The following PABPC1 variants were observed in gnomAD, a reference collection of about 807,000 sequenced individuals.
The protein encoded by PABPC1 is poly(A) binding protein cytoplasmic 1, also known as polyadenylate-binding protein 1.
Under a neutral mutation model 74.0 loss-of-function variants are expected in PABPC1, and 4 were observed. The observed-to-expected ratio is 0.05, with a 90% CI of 0.03 to 0.12. The LOEUF (loss-of-function observed/expected upper bound fraction) is 0.12. PABPC1 is among the 10% of genes least tolerant of loss of function. PABPC1 has a pLI of 1.00. For synonymous variants in PABPC1, 227 were observed against 264.1 expected (o/e 0.86, Z 1.36); for missense variants, 271 against 821.1 (o/e 0.33, Z 8.19).
intron 4 of PABPC1, among the ~76,000 whole-genome samples, chr8:100,713,866 G>A (rs1373485595): frequency 6.6e-6 from 1 of 152,156 alleles, no homozygotes; most frequent in Non-Finnish European, 1.5e-5. Flanking sequence ...AGGAGTGGAA[G>A]GAATACATAG....
chr8:100,721,266 G>T lies in PABPC1; in HGVS notation c.193+125C>A. The T allele has an allele frequency of 2.9e-6, 1 of 345,832 alleles. No homozygotes were observed. The highest frequency in any genetic ancestry group is 4.2e-6 in the Non-Finnish European group (1 of 237,236). 21.4% of individuals were successfully genotyped at this position (345,832 alleles called of 1,614,324 possible). ...CAGGGACCCCGGCGCCTTCCCGCCG[G>T]CCGTCGCGGGGTGACATGCCCTCCC... On this transcript the variant is annotated intron_variant, in intron 1 of 14. Coordinates refer to ENST00000318607, the MANE Select transcript of PABPC1 (RefSeq NM_002568.4). This position sits in a 1 kb window ranked among gnomAD's most constrained non-coding sequence, Gnocchi z 7.4.
intron 1 of PABPC1, among the ~76,000 whole-genome samples, chr8:100,720,657 A>C (rs764040833): frequency 2.0e-5 from 3 of 152,220 alleles, no homozygotes; most frequent in Non-Finnish European, 2.9e-5. Context: ...TGGCCTTCAA[A>C]GTGGTCGGCT....
chr8:100,710,236 C>T (rs1024263397), intron 7 of PABPC1, among the ~76,000 whole-genome samples: 2 of 152,084 alleles, frequency 1.3e-5, no homozygotes, highest in Admixed American at 6.6e-5. Context: ...ATAAATATTA[C>T]GGTATAAAGA....
At chr8:100,717,996 A>AG in intron 2 of PABPC1, 91 bp downstream of exon 2, 1 of 1,337,872 alleles carries the variant, frequency 7.5e-7, no homozygotes. Context: ...TGTGAAATAA[A>AG]GATATCCATT....
At position 100,705,027 on chromosome 8, in the gene PABPC1, T is replaced by C. The variant is rs113240435; in HGVS notation, c.1717A>G (p.Met573Val). The C allele has an allele frequency of 2.5e-6, 4 of 1,589,742 alleles. No individual in the cohort carries two copies. Among genetic ancestry groups the C allele is most frequent in the South Asian group, 2.2e-5 (2 of 88,972 alleles). The change falls in exon 13 of 15, where the codon ATG (methionine) becomes GTG (valine). Residue 573 changes from methionine to valine, a missense_variant. Met to Val is a conservative substitution (Grantham distance 21). Transcript: ENST00000318607. ...ATTTTACCAGCAAGAGTAGGGTGCA[T>C]GGCTTGAATAAGAGGAAACAGCCGT... is the stretch of plus-strand genomic sequence containing the variant. ...GERLFPLIQA[M>V]HPTLAGKITG... is the part of the protein sequence containing the mutation.
Position 100,713,169 on chromosome 8 carries a change from C to G in PABPC1, c.656G>C (p.Ser219Thr). 2 of 1,602,964 alleles carry G rather than the reference C, an allele frequency of 1.2e-6. No individual in the cohort carries two copies. Among genetic ancestry groups the G allele is most frequent in the Non-Finnish European group, 1.7e-6 (2 of 1,175,866 alleles). ...DLFGKFGPALSVKVMTDESGK... is the reference protein window; with the variant it reads ...DLFGKFGPALTVKVMTDESGK... ...ACTTTCATCAGTCATTACTTTCACA[C>G]TTAAGGCAGGCCCTAAAAAATTTTT... is the stretch of plus-strand genomic sequence containing the variant. Residue 219 changes from serine to threonine, a missense_variant, in exon 5 of 15, where the codon AGT (serine) becomes ACT (threonine). Transcript: ENST00000318607.
chr8:100,712,519 GT>G, intron 6 of PABPC1, 62 bp from the exon 7 acceptor site: 1 of 1,452,494 alleles, frequency 6.9e-7, no homozygotes, highest in East Asian at 2.3e-5. Flanking sequence ...AGTACATCGG[GT>G]CTATTATTTT....
intron 7 of PABPC1, among the ~76,000 whole-genome samples, chr8:100,711,141 G>A (rs1253820924): frequency 1.3e-5 from 2 of 152,088 alleles, no homozygotes; most frequent in Non-Finnish European, 2.9e-5. Context: ...TTAGCTGGGC[G>A]TAGTGGCACA....
intron 2 of PABPC1, 81 bp downstream of exon 2, chr8:100,718,006 T>C: frequency 2.2e-6 from 3 of 1,348,934 alleles, no homozygotes; most frequent in Non-Finnish European, 3.2e-6. Context: ...AGATATCCAT[T>C]ACTGCACAGT....
In PABPC1 at chr8:100,715,490, C is replaced by T; in HGVS notation, c.615G>A (p.Glu205=). Residue 205 remains glutamate, a synonymous_variant, in exon 4 of 15, where the codon GAG becomes GAA. Coordinates refer to ENST00000318607, the MANE Select transcript of PABPC1 (RefSeq NM_002568.4). ...IKNFGEDMDD[E]RLKDLFGKFG... is the part of the protein sequence containing the mutation. Reference sequence around the variant, plus strand: ...ACTTGCCAAAGAGATCCTTAAGGCGCTCATCATCCATGTCTTCTCCAAAAT... The same window carrying T: ...ACTTGCCAAAGAGATCCTTAAGGCGTTCATCATCCATGTCTTCTCCAAAAT... The T allele has an allele frequency of 1.2e-6, 2 of 1,612,282 alleles. No individual in the cohort carries two copies. Among genetic ancestry groups the T allele is most frequent in the South Asian group, 1.1e-5 (1 of 90,866 alleles).
rs554927075 is a variant in PABPC1 at position 100,711,242 on chromosome 8, C to T, written c.972+1120G>A. Among the ~76,000 whole-genome samples, 33 of 151,952 alleles carry T rather than the reference C, an allele frequency of 2.2e-4. 1 individual carries two copies. The highest frequency in any genetic ancestry group is 6.8e-4 in the African/African-American group (28 of 41,442). On this transcript the variant is annotated intron_variant, in intron 7 of 14. Coordinates refer to ENST00000318607, the MANE Select transcript of PABPC1 (RefSeq NM_002568.4). The stretch of plus-strand genomic sequence containing the variant: ...CTGCAGTGAGCTGAGATTGCACCAC[C>T]GCACTCCAGCCCAGGCGAGAGTGAG...
intron 1 of PABPC1, among the ~76,000 whole-genome samples, chr8:100,718,778 C>G (rs1469804898): frequency 1.3e-5 from 2 of 152,098 alleles, no homozygotes; most frequent in African/African-American, 2.4e-5. Context: ...TATATGAAAA[C>G]TAGTCCATTT....
chr8:100,704,900 C>T lies in PABPC1; in HGVS notation c.1818+26G>A, dbSNP rs368990619. Reference sequence around the variant, plus strand: ...AGCCACGTAATAACTGTGTAAGAGGCAACTTGGTAAATAAATTTAAATCAC... The same window carrying T: ...AGCCACGTAATAACTGTGTAAGAGGTAACTTGGTAAATAAATTTAAATCAC... On this transcript the variant is annotated intron_variant, in intron 13 of 14. Coordinates refer to ENST00000318607, the MANE Select transcript of PABPC1 (RefSeq NM_002568.4). 2.7e-5 allele frequency: 44 copies of T among 1,610,348 alleles called. No individual in the cohort carries two copies. In the South Asian group the frequency reaches 3.3e-4, roughly 12 times the overall value.
At chr8:100,707,302 A>G (rs1266097168) in intron 9 of PABPC1, 5 of 277,836 alleles carry the variant, frequency 1.8e-5, no homozygotes, top group Non-Finnish European at 3.5e-5. Context: ...TAAAAAAAAA[A>G]GACAGCTGGG....
At chr8:100,718,066 T>TA in intron 2 of PABPC1, 21 bp downstream of exon 2, 1 of 1,579,294 alleles carries the variant, frequency 6.3e-7, no homozygotes, top group Non-Finnish European at 8.7e-7. Flanking sequence ...TAAACATGTG[T>TA]ATCGGACATT....
At chr8:100,714,550 G>A (rs1320721925) in intron 4 of PABPC1, among the ~76,000 whole-genome samples, 1 of 151,968 alleles carries the variant, frequency 6.6e-6, no homozygotes, top group Non-Finnish European at 1.5e-5. Context: ...GGCCATCACG[G>A]TGAAACCCCG....
intron 9 of PABPC1, among the ~76,000 whole-genome samples, chr8:100,708,037 T>G (rs536834951): frequency 6.6e-6 from 1 of 152,346 alleles, no homozygotes; most frequent in South Asian, 2.1e-4. Context: ...TGAGGATTAT[T>G]ATGATATTGG....
intron 7 of PABPC1, 90 bp from the exon 8 acceptor site, chr8:100,709,821 A>T: frequency 7.6e-7 from 1 of 1,308,410 alleles, no homozygotes; most frequent in Non-Finnish European, 1.0e-6. Flanking sequence ...TAAATCACTG[A>T]ATCAAATAAC....
intron 9 of PABPC1, among the ~76,000 whole-genome samples, chr8:100,707,664 G>C (rs1810416805): frequency 6.6e-6 from 1 of 152,212 alleles, no homozygotes; most frequent in African/African-American, 2.4e-5. Context: ...CTGAAGCACA[G>C]CACCATAGGG....
Sources: allele counts gnomAD v4.1 joint callset (sites outside exome capture counted in the v4.1 genomes callset), GRCh38; gene constraint gnomAD v4.1.1; non-coding constraint Gnocchi (gnomAD v3.1); transcripts MANE v1.5; gene names NCBI Gene and HGNC (gene_info 2026-07-23, HGNC 2026-07-21).